The following MAL variants were observed in gnomAD, a reference collection of about 807,000 sequenced individuals.
MAL encodes the protein myelin and lymphocyte protein.
In MAL, 5 loss-of-function variants were observed where a neutral mutation model predicts 16.7. The observed-to-expected ratio is 0.30, with a 90% CI of 0.16 to 0.63. MAL has a LOEUF of 0.63. MAL is among the 30% of genes least tolerant of loss of function. MAL has a pLI of 0.82. For missense variants in MAL, 202 were observed against 195.8 expected, an observed-to-expected ratio of 1.03 and a Z score of -0.19; for synonymous variants, 96 against 85.5, an observed-to-expected ratio of 1.12 and a Z score of -0.67.
chr2:95,045,740 C>T (rs1558661287), intron 1 of MAL, among the ~76,000 whole-genome samples: 1 of 152,230 alleles, frequency 6.6e-6, no homozygotes, highest in Non-Finnish European at 1.5e-5. Flanking sequence ...CCTATTTCTC[C>T]ATGCCACCCT....
At position 95,053,554 on chromosome 2, in the gene MAL, G is replaced by A. The variant is rs1674767033; in HGVS notation, c.*99G>A. Reference sequence around the variant, plus strand: ...GAAAACAGAAATGCCCTTGATGGTGGAAAAAAGAAAACAACCACCCCCCCA... The same window carrying A: ...GAAAACAGAAATGCCCTTGATGGTGAAAAAAAGAAAACAACCACCCCCCCA... On this transcript the variant is annotated 3_prime_UTR_variant, in exon 4 of 4. Coordinates refer to ENST00000309988, the MANE Select transcript of MAL (RefSeq NM_002371.4). The A allele has an allele frequency of 9.7e-6, 9 of 931,026 alleles. No homozygotes were observed. The highest frequency in any genetic ancestry group is 2.2e-5 in the Admixed American group (1 of 46,268). 57.7% of individuals were successfully genotyped at this position (931,026 alleles called of 1,614,324 possible).
At chr2:95,028,154 A>G (rs1439954294) in intron 1 of MAL, among the ~76,000 whole-genome samples, 2 of 141,020 alleles carry the variant, frequency 1.4e-5, no homozygotes, top group Non-Finnish European at 3.1e-5. Context: ...TAAAAATACA[A>G]AAAAAAAAAA....
intron 1 of MAL, among the ~76,000 whole-genome samples, chr2:95,045,279 G>A (rs1321512991): frequency 1.3e-5 from 2 of 152,164 alleles, no homozygotes; most frequent in Non-Finnish European, 2.9e-5. Context: ...TCTGGCCCAC[G>A]GGGTCCCACT....
chr2:95,053,539 A>G lies in MAL; in HGVS notation c.*84A>G. ...CGGCATAACTTTTTAGAAAACAGAA[A>G]TGCCCTTGATGGTGGAAAAAAGAAA... On this transcript the variant is annotated 3_prime_UTR_variant, in exon 4 of 4. Transcript: ENST00000309988. The G allele has an allele frequency of 9.4e-7, 1 of 1,064,120 alleles. No individual in the cohort carries two copies. The highest frequency in any genetic ancestry group is 1.4e-6 in the Non-Finnish European group (1 of 692,544). The allele number at this position is 1,064,120 out of a possible 1,614,324, so 65.9% of individuals were successfully genotyped here.
chr2:95,036,681 CTGAGTGACTGAGTGAG>C (rs879695719), intron 1 of MAL, among the ~76,000 whole-genome samples: 7 of 151,450 alleles, frequency 4.6e-5, no homozygotes, highest in East Asian at 1.9e-4. Context: ...GAGTGACTAA[CTGAGTGACTGAGTGAG>C]TGAGTGACTG....
chr2:95,030,166 C>CA (rs1451847808), intron 1 of MAL, among the ~76,000 whole-genome samples: 1 of 152,202 alleles, frequency 6.6e-6, no homozygotes, highest in African/African-American at 2.4e-5. Flanking sequence ...ACCCCTATCC[C>CA]AGACCTCCTG....
At chr2:95,050,215 G>T (rs1332697686) in intron 3 of MAL, among the ~76,000 whole-genome samples, 4 of 152,170 alleles carry the variant, frequency 2.6e-5, no homozygotes, top group Admixed American at 2.6e-4. Flanking sequence ...TCCCCAAGTG[G>T]TCGTCCATTG....
At chr2:95,048,668 C>G (rs1347530948) in intron 2 of MAL, among the ~76,000 whole-genome samples, 1 of 152,258 alleles carries the variant, frequency 6.6e-6, no homozygotes, top group Non-Finnish European at 1.5e-5. Flanking sequence ...GTAACTTTTA[C>G]ATGTAGGACA....
chr2:95,042,235 C>T (rs1425437039), intron 1 of MAL, among the ~76,000 whole-genome samples: 1 of 152,194 alleles, frequency 6.6e-6, no homozygotes, highest in Non-Finnish European at 1.5e-5. Flanking sequence ...GGAAGGCAGG[C>T]AGGGCCTTGA....
intron 1 of MAL, chr2:95,044,378 T>G (rs1432111439): frequency 6.6e-6 from 1 of 152,200 alleles, no homozygotes; most frequent in Non-Finnish European, 1.5e-5. Flanking sequence ...TCATACCCTT[T>G]CAATGGGGGA....
At chr2:95,037,384 T>TTGACTGAGTGAGTGAGTGACTGAGTGAG (rs1674252958) in intron 1 of MAL, among the ~76,000 whole-genome samples, 1 of 44,838 alleles carries the variant, frequency 2.2e-5, no homozygotes, top group South Asian at 9.2e-4. Context: ...GACTGAGTGA[T>TTGACTGAGTGAGTGAGTGACTGAGTGAG]TGACTGAGTG....
intron 1 of MAL, among the ~76,000 whole-genome samples, chr2:95,032,303 C>G (rs549604279): frequency 7.2e-5 from 11 of 152,392 alleles, no homozygotes; most frequent in African/African-American, 2.6e-4. Context: ...AGTGGCTTGG[C>G]TTTGTCCTGG....
chr2:95,050,531 TC>T (rs1478614820), intron 3 of MAL, among the ~76,000 whole-genome samples: 1 of 152,166 alleles, frequency 6.6e-6, no homozygotes, highest in Non-Finnish European at 1.5e-5. Flanking sequence ...AGCTGTGTCA[TC>T]CCCTCTTTTT....
intron 1 of MAL, among the ~76,000 whole-genome samples, chr2:95,041,786 G>A (rs1674473236): frequency 1.3e-5 from 2 of 152,076 alleles, no homozygotes; most frequent in South Asian, 4.1e-4. Flanking sequence ...GTTCACACAA[G>A]AGCTCCCAGG....
At chr2:95,040,100 C>T (rs185829011) in intron 1 of MAL, among the ~76,000 whole-genome samples, 3 of 152,200 alleles carry the variant, frequency 2.0e-5, no homozygotes, top group African/African-American at 7.2e-5. Flanking sequence ...AGTAGCTCAT[C>T]CTTAACCCAG....
Position 95,047,970 on chromosome 2 carries a change from C to T in MAL, c.105C>T (p.Gly35=). The change falls in exon 2 of 4, where the codon GGC becomes GGT. Residue 35 remains glycine, a synonymous_variant. Transcript: ENST00000309988. ...LLFIFEFIFG[G]LVWILVASSL... Reference sequence around the variant, plus strand: ...CTCCTCCCCCGCAGATCTTCGGGGGCCTGGTGTGGATCCTGGTGGCCTCCT... The same window carrying T: ...CTCCTCCCCCGCAGATCTTCGGGGGTCTGGTGTGGATCCTGGTGGCCTCCT... 1 of 1,613,758 alleles carries T rather than the reference C, an allele frequency of 6.2e-7. No individual in the cohort carries two copies. The highest frequency in any genetic ancestry group is 8.5e-7 in the Non-Finnish European group (1 of 1,179,852).
chr2:95,038,792 GT>G (rs1240213143), intron 1 of MAL, among the ~76,000 whole-genome samples: 1 of 151,720 alleles, frequency 6.6e-6, no homozygotes, highest in Non-Finnish European at 1.5e-5. Context: ...AAGTGAGTGA[GT>G]GACTGAGTGA....
In MAL at chr2:95,048,014, TG is replaced by T; in HGVS notation, c.151del (p.Val51SerfsTer5). ...GCCTCCTCCCTGGTGCCCTGGCCCC[TG>T]GTCCAGGGCTGGGTGATGTTCGTGT... Reference protein sequence around the residue: ...LVASSLVPWPLVQGWVMFVSV... With the variant: ...LVASSLVPWPXVQGWVMFVSV... On this transcript the variant is annotated frameshift_variant, in exon 2 of 4. Transcript: ENST00000309988. LOFTEE classifies it high-confidence loss of function. 2 of 1,613,890 alleles carry T rather than the reference TG, an allele frequency of 1.2e-6. No homozygotes were observed. The highest frequency in any genetic ancestry group is 1.1e-5 in the South Asian group (1 of 91,054).
chr2:95,039,354 GAC>G lies in MAL; in HGVS notation c.94-8604_94-8603del, dbSNP rs879344089. ...TGAGTGAGTGAGTGAGTGAGTGACTGACTGACTGACTGAGTAACTGAGTGAGT... is the reference window on the plus strand; with the variant it reads ...TGAGTGAGTGAGTGAGTGAGTGACTGTGACTGACTGAGTAACTGAGTGAGT... On this transcript the variant is annotated intron_variant, in intron 1 of 3. Transcript: ENST00000309988. Among the ~76,000 whole-genome samples the G allele has an allele frequency of 3.4e-4, 51 of 150,578 alleles. 1 individual carries two copies. Among genetic ancestry groups the G allele is most frequent in the African/African-American group, 4.9e-4 (20 of 40,902 alleles).
Sources: gnomAD v4.1 joint callset for allele counts (sites outside exome capture counted in the v4.1 genomes callset) on GRCh38, gnomAD v4.1.1 for gene constraint, MANE v1.5 for transcripts, NCBI Gene and HGNC (gene_info 2026-07-23, HGNC 2026-07-21) for gene names.